CATSPERB: variants seen among roughly 807,000 people sequenced by gnomAD.
CATSPERB encodes cation channel sperm-associated auxiliary subunit beta.
CATSPERB carries 93 observed loss-of-function variants against 128.3 expected under a neutral mutation model. That is an observed-to-expected ratio of 0.72 (90% CI 0.61 to 0.86). CATSPERB has a LOEUF of 0.86. Ranked by LOEUF, CATSPERB falls within the 40% of genes least tolerant of loss-of-function variation. The pLI, the probability that CATSPERB is intolerant of heterozygous loss-of-function variation, is 0.00. For missense variants in CATSPERB, 1,153 were observed against 1,329.5 expected (o/e 0.87, Z 2.06); for synonymous variants, 381 against 448.8 (o/e 0.85, Z 1.91).
rs369552871 is a variant in CATSPERB at position 91,624,217 on chromosome 14, C to T, written c.1930+603G>A. 2.6e-4 allele frequency among the ~76,000 whole-genome samples: 39 copies of T among 152,278 alleles called. 1 individual carries two copies. The East Asian group carries it at 6.8e-3, about 26-fold the overall frequency. On this transcript the variant is annotated intron_variant, in intron 18 of 26. Coordinates refer to ENST00000256343, the MANE Select transcript of CATSPERB (RefSeq NM_024764.4). ...AAAAATTAGGCCGGGTGCAGTGGCT[C>T]ATGCCTGTAATCCTAGCACTTTGAG...
chr14:91,594,545 C>A (rs949267273), intron 22 of CATSPERB, among the ~76,000 whole-genome samples: 4 of 151,926 alleles, frequency 2.6e-5, no homozygotes, highest in African/African-American at 9.7e-5. Flanking sequence ...GCCTCCCCAG[C>A]CATGTGGAAC....
At chr14:91,605,396 TC>T in intron 22 of CATSPERB, 1 of 548,202 alleles carries the variant, frequency 1.8e-6, no homozygotes, top group Non-Finnish European at 3.2e-6. Flanking sequence ...AAGACTTTTT[TC>T]TGGAAGATCT....
intron 17 of CATSPERB, among the ~76,000 whole-genome samples, chr14:91,627,618 T>C (rs1595153699): frequency 6.6e-6 from 1 of 152,204 alleles, no homozygotes; most frequent in Admixed American, 6.5e-5. Context: ...AGGGAACTAA[T>C]GGAAGATAAG....
intron 7 of CATSPERB, among the ~76,000 whole-genome samples, chr14:91,696,092 A>G (rs1281315335): frequency 2.6e-5 from 4 of 152,214 alleles, no homozygotes; most frequent in South Asian, 2.1e-4. Flanking sequence ...ACAACTGAAG[A>G]GAGGAGTAGT....
chr14:91,689,302 T>C (rs1489986650), intron 10 of CATSPERB, among the ~76,000 whole-genome samples: 1 of 152,186 alleles, frequency 6.6e-6, no homozygotes, highest in Non-Finnish European at 1.5e-5. Flanking sequence ...CGCTCTGTGT[T>C]GCCAGCACTT....
Position 91,725,180 on chromosome 14 carries a change from A to T in CATSPERB, c.80-12T>A, listed in dbSNP as rs529889806. 4.4e-6 allele frequency: 6 copies of T among 1,364,504 alleles called. No homozygotes were observed. The highest frequency in any genetic ancestry group is 3.0e-5 in the African/African-American group (2 of 67,410). The allele number at this position is 1,364,504 out of a possible 1,614,324, so 84.5% of individuals were successfully genotyped here. ...TTTCTCTGTATCATCTAAATAATAA[A>T]AAAAATACATATATTAGATCACTGA... is the stretch of plus-strand genomic sequence containing the variant. On this transcript the variant is annotated splice_polypyrimidine_tract_variant and intron_variant, in intron 2 of 26. Transcript: ENST00000256343.
At chr14:91,630,588 A>T (rs1213928677) in intron 17 of CATSPERB, among the ~76,000 whole-genome samples, 1 of 152,118 alleles carries the variant, frequency 6.6e-6, no homozygotes, top group Non-Finnish European at 1.5e-5. Context: ...ATTTTTGATC[A>T]CTTTCTTGCT....
chr14:91,653,199 A>G (rs1169719516), intron 15 of CATSPERB, among the ~76,000 whole-genome samples: 1 of 152,160 alleles, frequency 6.6e-6, no homozygotes, highest in Admixed American at 6.5e-5. Context: ...AAACTATACA[A>G]TAAAAAATGC....
intron 22 of CATSPERB, among the ~76,000 whole-genome samples, chr14:91,598,310 G>T (rs1893545196): frequency 6.6e-6 from 1 of 150,762 alleles, no homozygotes. Flanking sequence ...TTTTTTAAAA[G>T]GACACATTTT....
rs182626046 is a variant in CATSPERB, at chr14:91,726,752, A to G, written c.80-1584T>C. ...ATGAAGGACTCATTCAAGAGCCCAGAGATCAAGGGTCAGCTTTACACATCT... is the reference window on the plus strand; with the variant it reads ...ATGAAGGACTCATTCAAGAGCCCAGGGATCAAGGGTCAGCTTTACACATCT... On this transcript the variant is annotated intron_variant, in intron 2 of 26. Transcript: ENST00000256343. 5.1e-4 allele frequency among the ~76,000 whole-genome samples: 77 copies of G among 152,372 alleles called. No individual in the cohort carries two copies. The East Asian group carries it at 6.0e-3, about 12-fold the overall frequency.
intron 22 of CATSPERB, among the ~76,000 whole-genome samples, chr14:91,603,828 C>T (rs1414559711): frequency 2.6e-5 from 4 of 152,122 alleles, no homozygotes; most frequent in Admixed American, 1.3e-4. Flanking sequence ...CTAAACCATT[C>T]GTGAGAGACT....
intron 9 of CATSPERB, among the ~76,000 whole-genome samples, chr14:91,692,691 ATTTTATGG>A (rs1400330116): frequency 6.6e-6 from 1 of 152,166 alleles, no homozygotes; most frequent in Non-Finnish European, 1.5e-5. Flanking sequence ...ATGTTTAAGA[ATTTTATGG>A]TATGCATATT....
At chr14:91,639,400 T>G in intron 15 of CATSPERB, 150 bp from the exon 16 acceptor site, 1 of 648,336 alleles carries the variant, frequency 1.5e-6, no homozygotes, top group Non-Finnish European at 2.6e-6. Context: ...ATGTTAGTTT[T>G]TGTTAAGTCC....
rs761693395 is a variant in CATSPERB, at chr14:91,693,118, T to G, written c.831+8A>C. 4 of 1,572,580 alleles carry G rather than the reference T, an allele frequency of 2.5e-6. No individual in the cohort carries two copies. In the African/African-American group the frequency reaches 5.4e-5, roughly 21 times the overall value. ...GATTAGCTATTAGTTACAAAGCAAT[T>G]TACATACCGATAAGCTGTGGCGTGA... On this transcript the variant is annotated splice_region_variant and intron_variant, in intron 9 of 26. Transcript: ENST00000256343.
At chr14:91,588,993 A>G (rs928917366) in intron 24 of CATSPERB, among the ~76,000 whole-genome samples, 3 of 152,244 alleles carry the variant, frequency 2.0e-5, no homozygotes, top group Admixed American at 6.5e-5. Flanking sequence ...ATATCTCCTT[A>G]GAGTATTCAT....
At chr14:91,685,202 T>C (rs1895352078) in intron 10 of CATSPERB, among the ~76,000 whole-genome samples, 1 of 152,182 alleles carries the variant, frequency 6.6e-6, no homozygotes, top group African/African-American at 2.4e-5. Context: ...ACTGGGACTA[T>C]AGGCATGAGC....
intron 18 of CATSPERB, among the ~76,000 whole-genome samples, chr14:91,624,590 G>A (rs1169700032): frequency 1.3e-5 from 2 of 151,154 alleles, no homozygotes; most frequent in East Asian, 1.9e-4. Flanking sequence ...GCGGTGAGTC[G>A]AGATCGCGTC....
chr14:91,708,390 T>C (rs1418184874), intron 5 of CATSPERB, among the ~76,000 whole-genome samples, 154 bp from the exon 6 acceptor site: 2 of 152,210 alleles, frequency 1.3e-5, no homozygotes, highest in East Asian at 3.8e-4. Context: ...GTTTTCCCTA[T>C]AAACATTTTG....
intron 15 of CATSPERB, among the ~76,000 whole-genome samples, chr14:91,647,991 G>A (rs913104954): frequency 3.3e-5 from 5 of 152,110 alleles, no homozygotes; most frequent in Admixed American, 1.3e-4. Context: ...TGTGTTCTAC[G>A]GATGATGTTC....
Sources: gnomAD v4.1 joint callset for allele counts (sites outside exome capture counted in the v4.1 genomes callset) on GRCh38, gnomAD v4.1.1 for gene constraint, MANE v1.5 for transcripts, NCBI Gene and HGNC (gene_info 2026-07-23, HGNC 2026-07-21) for gene names.